CLYBL: variants seen among roughly 807,000 people sequenced by gnomAD.
CLYBL encodes citramalyl-CoA lyase.
CLYBL carries 31 observed loss-of-function variants against 38.9 expected under a neutral mutation model. That is an observed-to-expected ratio of 0.80 (90% CI 0.60 to 1.08). The LOEUF (loss-of-function observed/expected upper bound fraction) is 1.08, where lower values mean the gene tolerates loss of function less well. Among genes scored for constraint, CLYBL ranks in the 50% least tolerant of loss-of-function variants. The pLI, the probability that CLYBL is intolerant of heterozygous loss-of-function variation, is 0.00. For synonymous variants in CLYBL, 171 were observed against 158.6 expected (o/e 1.08, Z -0.59); for missense variants, 434 against 411.6 (o/e 1.05, Z -0.47).
chr13:99,654,147 C>A (rs760738628), intron 1 of CLYBL, among the ~76,000 whole-genome samples: 2 of 152,196 alleles, frequency 1.3e-5, no homozygotes, highest in Non-Finnish European at 2.9e-5. Flanking sequence ...TATTTCTGCT[C>A]ACCCTGACCA....
intron 1 of CLYBL, among the ~76,000 whole-genome samples, chr13:99,752,260 C>T (rs990327749): frequency 6.6e-6 from 1 of 152,148 alleles, no homozygotes; most frequent in Non-Finnish European, 1.5e-5. Flanking sequence ...AAACTTGTGG[C>T]CCTTTCTCCT....
At chr13:99,821,007 C>T (rs1400174255) in intron 2 of CLYBL, among the ~76,000 whole-genome samples, 2 of 152,096 alleles carry the variant, frequency 1.3e-5, no homozygotes, top group African/African-American at 2.4e-5. Context: ...CAATGAGTGC[C>T]CATTCCATGT....
intron 2 of CLYBL, among the ~76,000 whole-genome samples, chr13:99,801,089 C>T (rs1231182974): frequency 1.3e-5 from 2 of 152,102 alleles, no homozygotes; most frequent in Non-Finnish European, 2.9e-5. Flanking sequence ...TAAATAACAT[C>T]ACCGTCGCCC....
chr13:99,865,759 CCAGA>C lies in CLYBL; in HGVS notation c.635-475_635-472del, dbSNP rs1291910803. Reference sequence around the variant, plus strand: ...CCTCCCGTCTCCCCAAGTTCTCCATCCAGACAGACCCTGAAGCTGAAGCATTTGG... The same window carrying C: ...CCTCCCGTCTCCCCAAGTTCTCCATCCAGACCCTGAAGCTGAAGCATTTGG... On this transcript the variant is annotated intron_variant, in intron 5 of 8. Transcript: ENST00000339105. This position sits in a 1 kb window ranked among gnomAD's most constrained non-coding sequence, Gnocchi z 4.7. Among the ~76,000 whole-genome samples the C allele has an allele frequency of 6.6e-6, 1 of 152,230 alleles. No homozygotes were observed. Among genetic ancestry groups the C allele is most frequent in the East Asian group, 1.9e-4 (1 of 5,188 alleles).
At chr13:99,870,467 A>G (rs1034890512) in intron 6 of CLYBL, among the ~76,000 whole-genome samples, 16 of 143,252 alleles carry the variant, frequency 1.1e-4, no homozygotes, top group African/African-American at 3.9e-4. Flanking sequence ...AAACCAGCAG[A>G]CCATTTCTAA....
At chr13:99,843,167 C>A (rs1049870615) in intron 2 of CLYBL, among the ~76,000 whole-genome samples, 1 of 152,138 alleles carries the variant, frequency 6.6e-6, no homozygotes, top group Non-Finnish European at 1.5e-5. Context: ...CATGGTCATT[C>A]CTTTGGAGCC....
chr13:99,733,256 G>A (rs1405722032), intron 1 of CLYBL, among the ~76,000 whole-genome samples: 1 of 151,476 alleles, frequency 6.6e-6, no homozygotes, highest in East Asian at 1.9e-4. Context: ...TAGTAGAGAT[G>A]AGTAGAGAAC....
At chr13:99,809,826 A>T (rs2050305913) in intron 2 of CLYBL, among the ~76,000 whole-genome samples, 1 of 152,204 alleles carries the variant, frequency 6.6e-6, no homozygotes, top group South Asian at 2.1e-4. Context: ...ACTCGGGAAG[A>T]CATGCCAGTC....
intron 7 of CLYBL, among the ~76,000 whole-genome samples, chr13:99,875,833 T>C (rs746186330): frequency 1.3e-5 from 2 of 152,126 alleles, no homozygotes; most frequent in African/African-American, 2.4e-5. Flanking sequence ...GGGACATAAC[T>C]CTGTTTTAGA....
At chr13:99,856,787 T>C (rs545660598) in intron 2 of CLYBL, among the ~76,000 whole-genome samples, 60 of 152,022 alleles carry the variant, frequency 3.9e-4, no homozygotes, top group Non-Finnish European at 7.7e-4. Context: ...TACAGGTATG[T>C]GCCACTACAC....
chr13:99,768,494 CTTTTTTTTTTTTTT>C (rs779750350), intron 1 of CLYBL, among the ~76,000 whole-genome samples: 11 of 84,892 alleles, frequency 1.3e-4, no homozygotes, highest in Admixed American at 4.8e-4. Context: ...CGCCCGACCT[CTTTTTTTTTTTTTT>C]TTTTTTTTTT....
chr13:99,646,510 CTTT>C (rs140419884), intron 1 of CLYBL, among the ~76,000 whole-genome samples: 5 of 109,250 alleles, frequency 4.6e-5, no homozygotes, highest in Non-Finnish European at 5.4e-5. Flanking sequence ...TTACAGAAAT[CTTT>C]TTTTTTTTTT....
chr13:99,856,127 C>T (rs1176140224), intron 2 of CLYBL, among the ~76,000 whole-genome samples: 2 of 152,098 alleles, frequency 1.3e-5, no homozygotes, highest in Non-Finnish European at 2.9e-5. Context: ...TCACAAGGGC[C>T]GAATTTTGCT....
In CLYBL at chr13:99,864,869, G is replaced by A. The variant is rs1460518824; in HGVS notation, c.592G>A (p.Asp198Asn). ...KVGPQVGLFL[D>N]AVVFGGEDFR... ...CGGGCCTCAAGTAGGTCTCTTTCTA[G>A]ATGCAGTCGTTTTTGGAGGAGAAGA... is the stretch of plus-strand genomic sequence containing the variant. The change falls in exon 5 of 9, where the codon GAT becomes AAT. Residue 198 changes from aspartate to asparagine, a missense_variant. Physicochemically the swap from Asp to Asn is conservative, Grantham distance 23. Coordinates refer to ENST00000339105, the MANE Select transcript of CLYBL (RefSeq NM_206808.5). 1 of 1,613,922 alleles carries A rather than the reference G, an allele frequency of 6.2e-7. No homozygotes were observed. Among genetic ancestry groups the A allele is most frequent in the African/African-American group, 1.3e-5 (1 of 74,900 alleles).
chr13:99,624,950 CTCA>C (rs761275526), intron 1 of CLYBL, among the ~76,000 whole-genome samples: 6 of 152,212 alleles, frequency 3.9e-5, no homozygotes, highest in Non-Finnish European at 5.9e-5. Context: ...TTCCCCAACT[CTCA>C]TCCTTCCCCC....
chr13:99,652,999 G>A (rs1566599959), intron 1 of CLYBL, among the ~76,000 whole-genome samples: 1 of 152,184 alleles, frequency 6.6e-6, no homozygotes, highest in Non-Finnish European at 1.5e-5. Context: ...CTCCCATGAC[G>A]ACAAGTGGGC....
At chr13:99,770,383 T>C (rs1260993801) in intron 1 of CLYBL, among the ~76,000 whole-genome samples, 1 of 152,198 alleles carries the variant, frequency 6.6e-6, no homozygotes, top group Non-Finnish European at 1.5e-5. Flanking sequence ...AGTGGCGCAA[T>C]CTTGGCTCAC....
intron 7 of CLYBL, among the ~76,000 whole-genome samples, chr13:99,886,362 A>G (rs2052350005): frequency 6.6e-6 from 1 of 152,270 alleles, no homozygotes. Context: ...TCATCACGCC[A>G]TCATCATCAC....
intron 1 of CLYBL, among the ~76,000 whole-genome samples, chr13:99,658,453 G>A (rs2047361077): frequency 6.6e-6 from 1 of 152,310 alleles, no homozygotes; most frequent in East Asian, 1.9e-4. Flanking sequence ...GGGAACCATC[G>A]CGAAACCCCG....
Sources: allele counts gnomAD v4.1 joint callset (sites outside exome capture counted in the v4.1 genomes callset), GRCh38; gene constraint gnomAD v4.1.1; non-coding constraint Gnocchi (gnomAD v3.1); transcripts MANE v1.5; gene names NCBI Gene and HGNC (gene_info 2026-07-23, HGNC 2026-07-21).